DNAH10: variants seen among roughly 807,000 people sequenced by gnomAD.
The protein encoded by DNAH10 is axonemal beta dynein heavy chain 10.
In DNAH10, 348 loss-of-function variants were observed where a neutral mutation model predicts 506.6. That is an observed-to-expected ratio of 0.69 (90% CI 0.63 to 0.75). DNAH10 has a LOEUF of 0.75. Ranked by LOEUF, DNAH10 falls within the 30% of genes least tolerant of loss-of-function variation. The pLI is 0.00. For synonymous variants in DNAH10, 2,059 were observed against 2,198.6 expected (o/e 0.94, Z 1.78); for missense variants, 5,179 against 5,787.1 (o/e 0.89, Z 3.41).
chr12:123,890,423 A>G lies in DNAH10; in HGVS notation c.8996-2810A>G, dbSNP rs530607311. Among the ~76,000 whole-genome samples the G allele has an allele frequency of 6.0e-5, 9 of 149,538 alleles. No individual in the cohort carries two copies. In the East Asian group the frequency reaches 1.8e-3, roughly 30 times the overall value. On this transcript the variant is annotated intron_variant, in intron 52 of 78. Transcript: ENST00000673944. ...GTAGCTGGGACTACAGATGCATCTC[A>G]CCACAACCAGCTGATTAAAAAAAAA...
chr12:123,803,851 G>A (rs772071810), intron 17 of DNAH10, 26 bp downstream of exon 17: 1 of 1,596,004 alleles, frequency 6.3e-7, no homozygotes, highest in Non-Finnish European at 8.5e-7. Flanking sequence ...GGGTTCTCCA[G>A]TTATGGAATT....
chr12:123,762,583 C>T lies in DNAH10; in HGVS notation c.214+33C>T. 1 of 1,528,422 alleles carries T rather than the reference C, an allele frequency of 6.5e-7. No homozygotes were observed. Among genetic ancestry groups the T allele is most frequent in the Non-Finnish European group, 8.8e-7 (1 of 1,138,100 alleles). The allele number at this position is 1,528,422 out of a possible 1,614,324, so 94.7% of individuals were successfully genotyped here. A position where few individuals can be genotyped will look rare whatever the true frequency, so the allele number is the denominator to read the frequency against. On this transcript the variant is annotated intron_variant, in intron 1 of 78. Coordinates refer to ENST00000673944, the MANE Select transcript of DNAH10 (RefSeq NM_001372106.1). This position sits in a 1 kb window ranked among gnomAD's most constrained non-coding sequence, Gnocchi z 5.0. ...TCGACGCGCCGCTCCCTTCCCCGGG[C>T]TTCCCTCCTGCCCGTCCCGGCCTCT...
intron 29 of DNAH10, among the ~76,000 whole-genome samples, chr12:123,839,038 T>G (rs773016951): frequency 4.4e-4 from 67 of 152,068 alleles, no homozygotes; most frequent in Non-Finnish European, 7.2e-4. Flanking sequence ...GGTCTCTAAC[T>G]CCTGAGCTCA....
chr12:123,832,287 T>C (rs1960645508), intron 26 of DNAH10, among the ~76,000 whole-genome samples: 1 of 152,184 alleles, frequency 6.6e-6, no homozygotes, highest in South Asian at 2.1e-4. Context: ...TGTATTCGTA[T>C]ACACACGATG....
intron 24 of DNAH10, among the ~76,000 whole-genome samples, chr12:123,824,432 G>T (rs1339065281): frequency 3.3e-5 from 5 of 152,142 alleles, no homozygotes; most frequent in Non-Finnish European, 7.4e-5. Context: ...GGTGTGAATT[G>T]GGAGTGTCCA....
intron 1 of DNAH10, among the ~76,000 whole-genome samples, chr12:123,765,863 A>G (rs1021740814): frequency 1.8e-5 from 2 of 113,242 alleles, no homozygotes; most frequent in Non-Finnish European, 3.3e-5. Context: ...CTACCTATAC[A>G]TCTATCTGTC....
At chr12:123,796,872 ATTTTT>A in intron 13 of DNAH10, 40 bp downstream of exon 13, 8 of 1,290,632 alleles carry the variant, frequency 6.2e-6, no homozygotes, top group Admixed American at 2.5e-5. Flanking sequence ...TTTGTATTTG[ATTTTT>A]TTTTTTTTTT....
chr12:123,783,843 G>A (rs2136031601), intron 7 of DNAH10, 104 bp from the exon 8 acceptor site: 1 of 1,057,608 alleles, frequency 9.5e-7, no homozygotes, highest in Non-Finnish European at 1.4e-6. Flanking sequence ...GACCCTGAAG[G>A]ATTGGAGCAG....
chr12:123,928,753 G>A lies in DNAH10; in HGVS notation c.12306+166G>A. ...CTCAATCCCACCTCTCTCTTTAGAG[G>A]GAGCCGCTGTCCTGGGTTGGGTGTT... On this transcript the variant is annotated intron_variant, in intron 70 of 78. Transcript: ENST00000673944. The surrounding 1 kb of genome is among the most constrained non-coding windows in gnomAD (Gnocchi z 4.9). 1.3e-6 allele frequency: 1 copy of A among 779,808 alleles called. No individual in the cohort carries two copies. 48.3% of individuals were successfully genotyped at this position (779,808 alleles called of 1,614,324 possible). A position where few individuals can be genotyped will look rare whatever the true frequency, so the allele number is the denominator to read the frequency against.
chr12:123,901,012 C>G (rs1230081077), intron 56 of DNAH10, among the ~76,000 whole-genome samples: 1 of 152,192 alleles, frequency 6.6e-6, no homozygotes, highest in Non-Finnish European at 1.5e-5. Flanking sequence ...TACATTGACA[C>G]GTCCCACAGA....
chr12:123,870,537 C>T, intron 44 of DNAH10, 52 bp downstream of exon 44: 2 of 1,580,776 alleles, frequency 1.3e-6, no homozygotes, highest in Non-Finnish European at 1.7e-6. Flanking sequence ...GTGATACTCG[C>T]TCTAGGAGGA....
chr12:123,859,129 C>T (rs1342240533), intron 37 of DNAH10, 21 bp from the exon 38 acceptor site: 2 of 1,591,960 alleles, frequency 1.3e-6, no homozygotes, highest in South Asian at 2.3e-5. Flanking sequence ...TTTAGCCCAG[C>T]TGCCATTGTT....
chr12:123,849,661 C>T (rs1951085018), intron 34 of DNAH10, among the ~76,000 whole-genome samples: 1 of 152,194 alleles, frequency 6.6e-6, no homozygotes, highest in Non-Finnish European at 1.5e-5. Context: ...CTTGTGACAC[C>T]ACATGTGTCC....
chr12:123,867,100 G>A (rs1466833522), intron 41 of DNAH10, among the ~76,000 whole-genome samples: 1 of 152,210 alleles, frequency 6.6e-6, no homozygotes, highest in Non-Finnish European at 1.5e-5. Context: ...GTGGTGATTG[G>A]TGCTTTGATA....
At chr12:123,793,248 A>G (rs1041535820) in intron 11 of DNAH10, among the ~76,000 whole-genome samples, 3 of 151,910 alleles carry the variant, frequency 2.0e-5, no homozygotes, top group African/African-American at 7.3e-5. Flanking sequence ...TCCAAATGCT[A>G]AGCCTTCTGG....
intron 69 of DNAH10, chr12:123,927,961 T>G: frequency 1.0e-5 from 2 of 190,984 alleles, no homozygotes; most frequent in Non-Finnish European, 1.1e-5. Context: ...TTGAATTACA[T>G]TTGGGAGGGG....
Position 123,801,513 on chromosome 12 carries a change from T to C in DNAH10, c.2614+81T>C, listed in dbSNP as rs1565920175. 5.3e-6 allele frequency: 8 copies of C among 1,509,190 alleles called. No individual in the cohort carries two copies. In the Admixed American group the frequency reaches 7.9e-5, roughly 15 times the overall value. The allele number at this position is 1,509,190 out of a possible 1,614,324, so 93.5% of individuals were successfully genotyped here. A position where few individuals can be genotyped will look rare whatever the true frequency, so the allele number is the denominator to read the frequency against. The stretch of plus-strand genomic sequence containing the variant: ...TTAGGTTGTTTTATTTGAATTACCA[T>C]TTTCATATGTTTATAGAGACAATTA... On this transcript the variant is annotated intron_variant, in intron 16 of 78. Coordinates refer to ENST00000673944, the MANE Select transcript of DNAH10 (RefSeq NM_001372106.1).
intron 65 of DNAH10, among the ~76,000 whole-genome samples, chr12:123,922,618 T>A (rs1954778440): frequency 6.6e-6 from 1 of 152,202 alleles, no homozygotes; most frequent in African/African-American, 2.4e-5. Context: ...AACAGAAATT[T>A]ATTTTCTCAT....
intron 33 of DNAH10, 98 bp from the exon 34 acceptor site, chr12:123,848,632 T>A (rs1244633998): frequency 6.7e-7 from 1 of 1,481,492 alleles, no homozygotes; most frequent in Non-Finnish European, 9.1e-7. Context: ...ATCAGTGATC[T>A]CATTGTTTGC....
Sources: allele counts gnomAD v4.1 joint callset (sites outside exome capture counted in the v4.1 genomes callset), GRCh38; gene constraint gnomAD v4.1.1; non-coding constraint Gnocchi (gnomAD v3.1); transcripts MANE v1.5; gene names NCBI Gene and HGNC (gene_info 2026-07-23, HGNC 2026-07-21).